The following PASD1 variants were observed in gnomAD, a reference collection of about 807,000 sequenced individuals.
PASD1 encodes PAS domain containing repressor 1.
Under a neutral mutation model 58.8 loss-of-function variants are expected in PASD1, and 13 were observed. The observed-to-expected ratio is 0.22, with a 90% CI of 0.14 to 0.35. PASD1 has a LOEUF of 0.35. PASD1 is among the 10% of genes least tolerant of loss of function. The pLI, the probability that PASD1 is intolerant of heterozygous loss-of-function variation, is 1.00. For missense variants in PASD1, 734 were observed against 568.3 expected, an observed-to-expected ratio of 1.29 and a Z score of -2.96; for synonymous variants, 236 against 216.7, an observed-to-expected ratio of 1.09 and a Z score of -0.78.
At chrX:151,647,018 G>A (rs979501851) in intron 8 of PASD1, among the ~76,000 whole-genome samples, 2 of 112,115 alleles carry the variant, frequency 1.8e-5, no homozygotes, top group Non-Finnish European at 3.8e-5. Flanking sequence ...TTGAGTGACT[G>A]GGTGGAAGGT....
At chrX:151,630,308 A>G (rs2124279552) in intron 8 of PASD1, among the ~76,000 whole-genome samples, 1 of 111,454 alleles carries the variant, frequency 9.0e-6, no homozygotes, top group South Asian at 3.8e-4. Flanking sequence ...ACTAACCTGA[A>G]CTCTGTAAGG....
At chrX:151,568,903 C>G (rs1443944265) in intron 1 of PASD1, among the ~76,000 whole-genome samples, 1 of 111,126 alleles carries the variant, frequency 9.0e-6, no homozygotes, top group East Asian at 2.8e-4. Flanking sequence ...TGGCCATATG[C>G]GGTAGGGAGG....
At position 151,648,711 on chromosome X, in the gene PASD1, A is replaced by G. The variant is rs765365493; in HGVS notation, c.717+9A>G. 120 of 1,205,131 alleles carry G rather than the reference A, an allele frequency of 1.0e-4. No homozygotes were observed. The highest frequency in any genetic ancestry group is 1.2e-4 in the African/African-American group (7 of 56,838). On this transcript the variant is annotated intron_variant, in intron 9 of 15. Transcript: ENST00000370357. ...CTGCTGCTATCTCAGACGTATGTAC[A>G]TTGAGGACCATAGACTACAATCTTA...
chrX:151,595,188 G>A (rs1269424318), intron 1 of PASD1, among the ~76,000 whole-genome samples: 1 of 111,313 alleles, frequency 9.0e-6, no homozygotes, highest in African/African-American at 3.3e-5. Context: ...AAAAAAATTG[G>A]TAATTATTTT....
chrX:151,665,881 C>T (rs190975284), intron 11 of PASD1, among the ~76,000 whole-genome samples: 1,425 of 101,165 alleles, frequency 0.014, 19 homozygotes, highest in African/African-American at 0.049. Flanking sequence ...TGTGTACACG[C>T]GCGTGCATGT....
At chrX:151,647,956 C>T (rs2014081329) in intron 8 of PASD1, among the ~76,000 whole-genome samples, 1 of 111,294 alleles carries the variant, frequency 9.0e-6, no homozygotes, top group African/African-American at 3.3e-5. Context: ...TTTAATTTCT[C>T]ATTTTGTGGA....
intron 3 of PASD1, among the ~76,000 whole-genome samples, chrX:151,611,410 A>C (rs2013555864): frequency 8.9e-6 from 1 of 112,175 alleles, no homozygotes; most frequent in African/African-American, 3.2e-5. Flanking sequence ...GGAGAATTTC[A>C]TGTTAATTGG....
intron 9 of PASD1, among the ~76,000 whole-genome samples, chrX:151,658,893 G>A (rs1175427484): frequency 1.8e-5 from 2 of 112,435 alleles, no homozygotes; most frequent in Non-Finnish European, 3.8e-5. Flanking sequence ...AAAGGATTCA[G>A]TTGTTCAGGA....
chrX:151,668,183 G>T lies in PASD1; in HGVS notation c.1072-2855G>T, dbSNP rs186987713. Among the ~76,000 whole-genome samples the T allele has an allele frequency of 7.8e-3, 873 of 111,620 alleles. 8 individuals are homozygous for T. The highest frequency in any genetic ancestry group is 0.027 in the African/African-American group (816 of 30,723). On this transcript the variant is annotated intron_variant, in intron 11 of 15. Transcript: ENST00000370357. ...TTATCATTTTGAGATACGTCCCATC[G>T]ATACCTAATTTACTGAGAGTTTTTA...
chrX:151,657,839 G>GT (rs57349622), intron 9 of PASD1, among the ~76,000 whole-genome samples: 2 of 98,950 alleles, frequency 2.0e-5, no homozygotes, highest in African/African-American at 7.3e-5. Context: ...TTTTTGGAGG[G>GT]TTTTTTTTTT....
At chrX:151,595,773 CTT>C (rs2013315530) in intron 1 of PASD1, among the ~76,000 whole-genome samples, 1 of 110,936 alleles carries the variant, frequency 9.0e-6, no homozygotes, top group East Asian at 2.9e-4. Flanking sequence ...TTCTGGAACT[CTT>C]TTTCCCCCAG....
chrX:151,563,969 C>G (rs1429536953), intron 1 of PASD1, 130 bp downstream of exon 1: 1 of 112,464 alleles, frequency 8.9e-6, no homozygotes, highest in Non-Finnish European at 1.9e-5. Flanking sequence ...CCCTGCAGGA[C>G]CCTCGTTTTC....
intron 8 of PASD1, among the ~76,000 whole-genome samples, chrX:151,641,924 T>C (rs1320610527): frequency 9.0e-6 from 1 of 111,584 alleles, no homozygotes; most frequent in African/African-American, 3.3e-5. Context: ...AGAGGACGGG[T>C]AAATTCAAAT....
At chrX:151,602,580 C>T (rs2013432810) in intron 2 of PASD1, among the ~76,000 whole-genome samples, 2 of 110,082 alleles carry the variant, frequency 1.8e-5, no homozygotes, top group African/African-American at 3.3e-5. Flanking sequence ...CCTGTAGTCC[C>T]GGCTACTCGG....
intron 15 of PASD1, among the ~76,000 whole-genome samples, chrX:151,675,320 C>A (rs991858871): frequency 1.3e-4 from 14 of 111,714 alleles, no homozygotes; most frequent in African/African-American, 3.9e-4. Flanking sequence ...GCCCTCACTG[C>A]CTGCCCTGGC....
chrX:151,673,782 G>C (rs1252403936), intron 14 of PASD1, 146 bp from the exon 15 acceptor site: 1 of 678,431 alleles, frequency 1.5e-6, no homozygotes, highest in Non-Finnish European at 2.2e-6. Flanking sequence ...TCTTAGTCAG[G>C]CCAAAGTGAG....
intron 11 of PASD1, among the ~76,000 whole-genome samples, chrX:151,666,845 C>T (rs1311604571): frequency 9.5e-6 from 1 of 105,700 alleles, no homozygotes; most frequent in Admixed American, 1.0e-4. Flanking sequence ...CAATAAACAT[C>T]CGTGTGCATG....
chrX:151,622,841 A>G (rs183338593), intron 6 of PASD1, 96 bp from the exon 7 acceptor site: 443 of 929,850 alleles, frequency 4.8e-4, no homozygotes, highest in African/African-American at 4.2e-3. Context: ...AAAATTGTCA[A>G]TGGGTTAGCA....
At chrX:151,658,425 C>T (rs925952586) in intron 9 of PASD1, among the ~76,000 whole-genome samples, 1 of 112,065 alleles carries the variant, frequency 8.9e-6, no homozygotes, top group African/African-American at 3.2e-5. Context: ...CCCGAACATA[C>T]GAATACCCAA....
Sources: allele counts gnomAD v4.1 joint callset (sites outside exome capture counted in the v4.1 genomes callset), GRCh38; gene constraint gnomAD v4.1.1; transcripts MANE v1.5; gene names NCBI Gene and HGNC (gene_info 2026-07-23, HGNC 2026-07-21).